SGMS1: variants seen among roughly 807,000 people sequenced by gnomAD.
SGMS1 encodes phosphatidylcholine:ceramide cholinephosphotransferase 1.
In SGMS1, 13 loss-of-function variants were observed where a neutral mutation model predicts 46.2. The ratio of observed to expected loss-of-function variants is 0.28; its 90% CI spans 0.18 to 0.45. The LOEUF is 0.45. SGMS1 is among the 20% of genes least tolerant of loss of function. SGMS1 has a pLI of 1.00. For synonymous variants in SGMS1, 203 were observed against 187.8 expected (o/e 1.08, Z -0.66); for missense variants, 324 against 519.9 (o/e 0.62, Z 3.66).
chr10:50,451,330 C>A (rs563317430), intron 5 of SGMS1, among the ~76,000 whole-genome samples: 1 of 152,278 alleles, frequency 6.6e-6, no homozygotes, highest in Admixed American at 6.5e-5. Flanking sequence ...TGGTTCCTCT[C>A]ATGGCAGAGA....
At chr10:50,487,329 T>C (rs1199180103) in intron 3 of SGMS1, among the ~76,000 whole-genome samples, 1 of 152,012 alleles carries the variant, frequency 6.6e-6, no homozygotes, top group African/African-American at 2.4e-5. Flanking sequence ...ACAGGGTCTG[T>C]CAGGGGAAGG....
At chr10:50,466,398 T>G (rs928779094) in intron 4 of SGMS1, among the ~76,000 whole-genome samples, 4 of 151,946 alleles carry the variant, frequency 2.6e-5, no homozygotes, top group African/African-American at 9.7e-5. Flanking sequence ...ACAGTAGAGA[T>G]CTTCAATGTT....
At chr10:50,401,011 G>C (rs180756610) in intron 6 of SGMS1, among the ~76,000 whole-genome samples, 56 of 152,246 alleles carry the variant, frequency 3.7e-4, no homozygotes, top group Non-Finnish European at 6.2e-4. Context: ...CAAACTGTTT[G>C]AAATAAACAC....
At chr10:50,607,628 G>GA (rs1181687983) in intron 1 of SGMS1, among the ~76,000 whole-genome samples, 75 of 152,324 alleles carry the variant, frequency 4.9e-4, no homozygotes, top group Middle Eastern at 3.4e-3. Flanking sequence ...CTGGTTGTGT[G>GA]AAGCAGCAAG....
In SGMS1 at chr10:50,308,042, C is replaced by A; in HGVS notation, c.1002G>T (p.Val334=). ...LAHDHYTVDV[V]VAYYITTRLF... Reference sequence around the variant, plus strand: ...GTCTCGTGGTGATGTAATATGCCACCACCACGTCCACAGTGTAGTGGTCAT... The same window carrying A: ...GTCTCGTGGTGATGTAATATGCCACAACCACGTCCACAGTGTAGTGGTCAT... Residue 334 remains valine (V), a synonymous_variant, in exon 10 of 11, where the codon GTG becomes GTT. Coordinates refer to ENST00000361781, the MANE Select transcript of SGMS1 (RefSeq NM_147156.4). 6.2e-7 allele frequency: 1 copy of A among 1,613,962 alleles called. No homozygotes were observed.
intron 3 of SGMS1, among the ~76,000 whole-genome samples, chr10:50,480,557 A>G (rs1338668775): frequency 6.6e-6 from 1 of 152,150 alleles, no homozygotes. Context: ...TCCCAACCCC[A>G]GCCAGGGGAG....
intron 1 of SGMS1, among the ~76,000 whole-genome samples, chr10:50,623,145 T>C (rs1341306610): frequency 6.6e-6 from 1 of 151,460 alleles, no homozygotes; most frequent in Non-Finnish European, 1.5e-5. Context: ...CCACCTGTTT[T>C]GTCGTCAGGG....
intron 3 of SGMS1, among the ~76,000 whole-genome samples, chr10:50,467,887 T>C (rs1837344771): frequency 6.6e-6 from 1 of 152,190 alleles, no homozygotes; most frequent in Non-Finnish European, 1.5e-5. Flanking sequence ...GAGGTCAATC[T>C]GCCAGTTCTC....
intron 3 of SGMS1, among the ~76,000 whole-genome samples, chr10:50,516,095 C>T (rs1837803780): frequency 6.6e-6 from 1 of 152,162 alleles, no homozygotes; most frequent in Non-Finnish European, 1.5e-5. Flanking sequence ...CTTGTCAGAT[C>T]TGTGTAGCCT....
chr10:50,431,680 G>T (rs1014571488), intron 6 of SGMS1, among the ~76,000 whole-genome samples: 4 of 152,136 alleles, frequency 2.6e-5, no homozygotes, highest in African/African-American at 9.7e-5. Context: ...AGGCAATTGG[G>T]TTTCCATTAA....
intron 2 of SGMS1, among the ~76,000 whole-genome samples, chr10:50,553,258 AC>A (rs1305357473): frequency 2.6e-5 from 4 of 152,092 alleles, no homozygotes; most frequent in African/African-American, 7.2e-5. Flanking sequence ...CCTGGATTTA[AC>A]CCCTGGGGTT....
chr10:50,495,892 G>A (rs951666714), intron 3 of SGMS1, among the ~76,000 whole-genome samples: 7 of 152,170 alleles, frequency 4.6e-5, no homozygotes, highest in African/African-American at 9.7e-5. Flanking sequence ...AGGCAAGGGA[G>A]AACTGAGATG....
chr10:50,498,981 T>G (rs1350777502), intron 3 of SGMS1, among the ~76,000 whole-genome samples: 2 of 152,212 alleles, frequency 1.3e-5, no homozygotes, highest in African/African-American at 2.4e-5. Context: ...ATTTGTTATT[T>G]TCTGGGTTTT....
chr10:50,409,803 A>T (rs942069528), intron 6 of SGMS1, among the ~76,000 whole-genome samples: 1 of 152,222 alleles, frequency 6.6e-6, no homozygotes, highest in Non-Finnish European at 1.5e-5. Flanking sequence ...CAACGGGAAT[A>T]TAAGAATATA....
chr10:50,415,426 T>C (rs1318392122), intron 6 of SGMS1, among the ~76,000 whole-genome samples: 1 of 152,212 alleles, frequency 6.6e-6, no homozygotes, highest in Non-Finnish European at 1.5e-5. Flanking sequence ...CCCCTCTCCA[T>C]GACTTTTCCA....
At position 50,569,454 on chromosome 10, in the gene SGMS1, T is replaced by A. The variant is rs559622551; in HGVS notation, c.-589+20699A>T. 4.6e-5 allele frequency among the ~76,000 whole-genome samples: 7 copies of A among 152,180 alleles called. No homozygotes were observed. In the South Asian group the frequency reaches 1.0e-3, roughly 23 times the overall value. On this transcript the variant is annotated intron_variant, in intron 2 of 10. Coordinates refer to ENST00000361781, the MANE Select transcript of SGMS1 (RefSeq NM_147156.4). ...TTTCTATCCTTCCTGTATAAACCAG[T>A]TGTTAGGTTCTCTGGGTTAGGTAGG...
intron 2 of SGMS1, among the ~76,000 whole-genome samples, chr10:50,532,128 C>T (rs1837959781): frequency 6.6e-6 from 1 of 151,992 alleles, no homozygotes; most frequent in Non-Finnish European, 1.5e-5. Context: ...CCCATGTCTG[C>T]ATGGGTTTTC....
chr10:50,620,218 A>G (rs1838836506), intron 1 of SGMS1, among the ~76,000 whole-genome samples: 2 of 152,216 alleles, frequency 1.3e-5, no homozygotes, highest in Admixed American at 1.3e-4. Context: ...AAGTGGGCTG[A>G]TCCAAAATAA....
intron 5 of SGMS1, among the ~76,000 whole-genome samples, chr10:50,456,236 A>G (rs1289302733): frequency 6.6e-6 from 1 of 152,052 alleles, no homozygotes; most frequent in East Asian, 1.9e-4. Flanking sequence ...TACATAAAAC[A>G]TATAAAGGCA....
Sources: allele counts gnomAD v4.1 joint callset (sites outside exome capture counted in the v4.1 genomes callset), GRCh38; gene constraint gnomAD v4.1.1; transcripts MANE v1.5; gene names NCBI Gene and HGNC (gene_info 2026-07-23, HGNC 2026-07-21).